RAD51B: variants seen among roughly 807,000 people sequenced by gnomAD.
RAD51B encodes the protein RAD51 paralog B.
RAD51B carries 38 observed loss-of-function variants against 42.2 expected under a neutral mutation model. The observed-to-expected ratio is 0.90, with a 90% CI of 0.70 to 1.18. The LOEUF is 1.18. Among genes scored for constraint, RAD51B ranks in the 50% most tolerant of loss-of-function variants. The pLI is 0.00. For missense variants in RAD51B, 373 were observed against 400.7 expected (o/e 0.93, Z 0.59); for synonymous variants, 154 against 145.2 (o/e 1.06, Z -0.43).
chr14:67,839,535 G>A lies in RAD51B; in HGVS notation c.315+4339G>A, dbSNP rs117472401. 2.9e-3 allele frequency among the ~76,000 whole-genome samples: 440 copies of A among 151,750 alleles called. 12 individuals are homozygous for A. The East Asian group carries it at 0.074, about 25-fold the overall frequency. ...GGTTTTTGTCCCCCTTTCCATTTCT[G>A]ATATTACTTACTTTGTTTTATTTCT... is the stretch of plus-strand genomic sequence containing the variant. On this transcript the variant is annotated intron_variant, in intron 4 of 10. Transcript: ENST00000471583.
chr14:68,413,803 T>C (rs543356494), intron 9 of RAD51B, among the ~76,000 whole-genome samples: 1 of 152,296 alleles, frequency 6.6e-6, no homozygotes, highest in Non-Finnish European at 1.5e-5. Flanking sequence ...ACCTTTAAGG[T>C]AATTGCACCA....
chr14:68,317,033 T>C (rs1456253716), intron 8 of RAD51B, among the ~76,000 whole-genome samples: 1 of 152,214 alleles, frequency 6.6e-6, no homozygotes, highest in African/African-American at 2.4e-5. Context: ...GAGGCTATCT[T>C]GGGTTAAGGA....
In RAD51B at chr14:68,331,367, C is replaced by CAAA. The variant is rs778136542; in HGVS notation, c.853+39403_853+39405dup. Among the ~76,000 whole-genome samples, 135 of 32,938 alleles carry CAAA rather than the reference C, an allele frequency of 4.1e-3. 13 individuals are homozygous for CAAA. The East Asian group carries it at 0.062, about 15-fold the overall frequency. 21.6% of individuals were successfully genotyped at this position (32,938 alleles called of 152,430 possible). On this transcript the variant is annotated intron_variant, in intron 8 of 10. Coordinates refer to ENST00000471583, the MANE Select transcript of RAD51B (RefSeq NM_133510.4). ...TGGGCTACAGAACGAGACTCTGTCTCAAAAAAAAAAAAAAAAAAGCAATGG... is the reference window on the plus strand; with the variant it reads ...TGGGCTACAGAACGAGACTCTGTCTCAAAAAAAAAAAAAAAAAAAAAGCAATGG...
chr14:68,346,648 T>G (rs1317347470), intron 8 of RAD51B, among the ~76,000 whole-genome samples: 2 of 152,230 alleles, frequency 1.3e-5, no homozygotes, highest in Admixed American at 1.3e-4. Flanking sequence ...ACAATGTGAT[T>G]GTGTTACTCT....
At chr14:68,175,902 A>G (rs564608877) in intron 7 of RAD51B, among the ~76,000 whole-genome samples, 5 of 152,318 alleles carry the variant, frequency 3.3e-5, no homozygotes, top group Middle Eastern at 3.4e-3. Flanking sequence ...TTTCTCTACT[A>G]TATATGCACT....
rs55642017 is a variant in RAD51B, at chr14:68,506,473, A to G, written c.1036+38223A>G. Among the ~76,000 whole-genome samples the G allele has an allele frequency of 7.6e-3, 1,164 of 152,352 alleles. 13 individuals are homozygous for G. The highest frequency in any genetic ancestry group is 0.037 in the Middle Eastern group (11 of 294). ...TTAGAGGCGAAGGAAAACAATGGCA[A>G]ACAGACCCAGGCCTGTCACAGCTGT... On this transcript the variant is annotated intron_variant, in intron 10 of 10. Transcript: ENST00000487270.
intron 10 of RAD51B, among the ~76,000 whole-genome samples, chr14:68,622,321 C>G (rs1891967153): frequency 6.6e-6 from 1 of 152,152 alleles, no homozygotes; most frequent in Non-Finnish European, 1.5e-5. Context: ...TTCAGTCAAC[C>G]CATATCATCT....
At chr14:68,471,586 A>G (rs2086126349) in intron 10 of RAD51B, among the ~76,000 whole-genome samples, 1 of 151,840 alleles carries the variant, frequency 6.6e-6, no homozygotes, top group African/African-American at 2.4e-5. Flanking sequence ...GGCTGGAGAG[A>G]CTGAGGGGCT....
At chr14:68,588,735 G>A (rs1249015126) in intron 10 of RAD51B, among the ~76,000 whole-genome samples, 1 of 152,220 alleles carries the variant, frequency 6.6e-6, no homozygotes, top group Non-Finnish European at 1.5e-5. Context: ...TTCCTTGAGA[G>A]AGAGTAGGAT....
chr14:67,855,356 C>T (rs1434561817), intron 4 of RAD51B, among the ~76,000 whole-genome samples: 1 of 151,586 alleles, frequency 6.6e-6, no homozygotes, highest in Non-Finnish European at 1.5e-5. Context: ...TCAGCCTCCC[C>T]AGCAGCTGGG....
chr14:68,163,577 T>G (rs2078689824), intron 7 of RAD51B, among the ~76,000 whole-genome samples: 1 of 152,258 alleles, frequency 6.6e-6, no homozygotes, highest in African/African-American at 2.4e-5. Flanking sequence ...CTTTGGCCTC[T>G]CTTTCCGCTC....
Position 67,866,980 on chromosome 14 carries a change from G to A in RAD51B, c.452+1841G>A, listed in dbSNP as rs536669742. 2.0e-5 allele frequency among the ~76,000 whole-genome samples: 3 copies of A among 152,278 alleles called. No homozygotes were observed. In the South Asian group the frequency reaches 6.2e-4, roughly 32 times the overall value. ...GAGAATAGGGGTTGAACTTTATATT[G>A]TATTTGGTTTTTTATTCCATTCTCC... On this transcript the variant is annotated intron_variant, in intron 5 of 10. Coordinates refer to ENST00000471583, the MANE Select transcript of RAD51B (RefSeq NM_133510.4).
chr14:67,952,056 G>T (rs561995331), intron 7 of RAD51B, among the ~76,000 whole-genome samples: 61 of 152,240 alleles, frequency 4.0e-4, no homozygotes, highest in African/African-American at 1.4e-3. Flanking sequence ...TGTTTCCAGT[G>T]AAGATTAGTC....
At chr14:68,066,368 A>T (rs866908443) in intron 7 of RAD51B, among the ~76,000 whole-genome samples, 1 of 152,122 alleles carries the variant, frequency 6.6e-6, no homozygotes, top group Admixed American at 6.6e-5. Context: ...CTGTTTTAAA[A>T]TTTTTTTCCT....
intron 11 of RAD51B, among the ~76,000 whole-genome samples, chr14:68,673,506 A>G (rs1022580934): frequency 2.6e-5 from 4 of 151,644 alleles, no homozygotes; most frequent in Non-Finnish European, 4.4e-5. Context: ...ACACACATGT[A>G]TGTACACACA....
At chr14:68,256,560 C>A (rs1401071329) in intron 7 of RAD51B, among the ~76,000 whole-genome samples, 2 of 152,138 alleles carry the variant, frequency 1.3e-5, no homozygotes, top group African/African-American at 4.8e-5. Flanking sequence ...CTGCTCTCAG[C>A]GAAAGAGGCC....
At chr14:68,612,281 C>T (rs7153168), downstream of RAD51B, among the ~76,000 whole-genome samples, 18,916 of 152,188 alleles carry the variant, frequency 0.12, 1,325 homozygotes, top group East Asian at 0.22. Context: ...GTGTTTGGGA[C>T]TGGGCTTGAA....
chr14:67,887,366 A>G (rs958919597), intron 7 of RAD51B, 162 bp downstream of exon 7: 3 of 519,892 alleles, frequency 5.8e-6, no homozygotes, highest in Non-Finnish European at 1.0e-5. Context: ...CATCGCCATC[A>G]TCTTAAATTA....
chr14:68,662,741 G>T (rs930749466), intron 11 of RAD51B, among the ~76,000 whole-genome samples: 1 of 152,162 alleles, frequency 6.6e-6, no homozygotes, highest in African/African-American at 2.4e-5. Context: ...GATTCCTAAC[G>T]ATCATCACTT....
Sources: allele counts gnomAD v4.1 joint callset (sites outside exome capture counted in the v4.1 genomes callset), GRCh38; gene constraint gnomAD v4.1.1; transcripts MANE v1.5; gene names NCBI Gene and HGNC (gene_info 2026-07-23, HGNC 2026-07-21).